STEAP1B: variants seen among roughly 807,000 people sequenced by gnomAD.
STEAP1B encodes the protein STEAP family member 1B.
STEAP1B carries 13 observed loss-of-function variants against 27.9 expected under a neutral mutation model. The ratio of observed to expected loss-of-function variants is 0.47; its 90% CI spans 0.30 to 0.74. The LOEUF (loss-of-function observed/expected upper bound fraction) is 0.74. Among genes scored for constraint, STEAP1B ranks in the 30% least tolerant of loss-of-function variants. The probability of loss-of-function intolerance (pLI) is 0.06; values close to 1 mark genes in which losing one functional copy is unlikely to be tolerated. For synonymous variants in STEAP1B, 86 were observed against 107.1 expected (o/e 0.80, Z 1.22); for missense variants, 250 against 298.7 (o/e 0.84, Z 1.20).
At chr7:22,440,182 C>A (rs1785311142) in intron 4 of STEAP1B, among the ~76,000 whole-genome samples, 1 of 152,012 alleles carries the variant, frequency 6.6e-6, no homozygotes. Context: ...TTGTTTCTAC[C>A]AGATCGAGGG....
intron 4 of STEAP1B, among the ~76,000 whole-genome samples, chr7:22,486,458 A>G (rs1243401570): frequency 6.6e-6 from 1 of 152,046 alleles, no homozygotes; most frequent in Non-Finnish European, 1.5e-5. Flanking sequence ...CCTCCTCTGA[A>G]CCAGCCTGGC....
intron 4 of STEAP1B, among the ~76,000 whole-genome samples, chr7:22,426,591 CTG>C (rs1181152604): frequency 1.3e-5 from 2 of 152,202 alleles, no homozygotes; most frequent in African/African-American, 4.8e-5. Context: ...GAGAACAAAA[CTG>C]TCACATGGGG....
intron 4 of STEAP1B, among the ~76,000 whole-genome samples, chr7:22,480,885 G>A (rs1197919299): frequency 6.6e-6 from 1 of 152,196 alleles, no homozygotes; most frequent in African/African-American, 2.4e-5. Flanking sequence ...GAAGCCTGGC[G>A]CAGGTCCAGC....
chr7:22,463,404 C>T (rs1785713848), intron 4 of STEAP1B, among the ~76,000 whole-genome samples: 1 of 152,092 alleles, frequency 6.6e-6, no homozygotes, highest in South Asian at 2.1e-4. Flanking sequence ...AGATTCAATG[C>T]CATCCCCATC....
chr7:22,422,357 G>A (rs1251388688), intron 4 of STEAP1B, among the ~76,000 whole-genome samples: 5 of 152,198 alleles, frequency 3.3e-5, no homozygotes, highest in Admixed American at 2.0e-4. Context: ...TATTGTAACC[G>A]CAAAGGAGAG....
intron 4 of STEAP1B, among the ~76,000 whole-genome samples, chr7:22,480,177 A>G (rs1174606008): frequency 1.3e-5 from 2 of 152,224 alleles, no homozygotes; most frequent in Admixed American, 1.3e-4. Context: ...AACTTATTTT[A>G]TACTTACAAA....
intron 4 of STEAP1B, among the ~76,000 whole-genome samples, chr7:22,468,385 T>C (rs1052285231): frequency 1.3e-5 from 2 of 152,138 alleles, no homozygotes; most frequent in African/African-American, 2.4e-5. Flanking sequence ...CCAAAAAATC[T>C]GTCAGTACCA....
In STEAP1B at chr7:22,460,936, G is replaced by A. The variant is rs373150120; in HGVS notation, c.762+31629C>T. 5.9e-5 allele frequency among the ~76,000 whole-genome samples: 9 copies of A among 152,144 alleles called. No homozygotes were observed. The East Asian group carries it at 7.7e-4, about 13-fold the overall frequency. On this transcript the variant is annotated intron_variant, in intron 4 of 4. Transcript: ENST00000678116. The stretch of plus-strand genomic sequence containing the variant: ...GACTTTAAAGGAGAAATACTTAAAG[G>A]AATCTTGTTGCTTATCACAGAGCGT...
intron 4 of STEAP1B, among the ~76,000 whole-genome samples, chr7:22,430,589 G>A (rs1275013132): frequency 6.6e-6 from 1 of 152,178 alleles, no homozygotes; most frequent in African/African-American, 2.4e-5. Context: ...AGCTGGCTTG[G>A]TTCTGACTGG....
At chr7:22,456,952 C>CCATATATATATA (rs1478025290) in intron 4 of STEAP1B, among the ~76,000 whole-genome samples, 3 of 73,264 alleles carry the variant, frequency 4.1e-5, no homozygotes, top group Middle Eastern at 0.01. Context: ...GGATAGGCAG[C>CCATATATATATA]TATATATATA....
intron 3 of STEAP1B, 52 bp downstream of exon 3, chr7:22,493,272 G>A (rs1786366055): frequency 6.6e-7 from 1 of 1,507,972 alleles, no homozygotes; most frequent in South Asian, 1.3e-5. Context: ...TGATTAATTT[G>A]TTAGGTGACT....
chr7:22,453,590 T>C (rs1245852029), intron 4 of STEAP1B, among the ~76,000 whole-genome samples: 3 of 152,240 alleles, frequency 2.0e-5, no homozygotes, highest in Non-Finnish European at 2.9e-5. Flanking sequence ...TAGGACATAA[T>C]ATAAAATACA....
chr7:22,440,997 A>G (rs1785325209), intron 4 of STEAP1B, among the ~76,000 whole-genome samples: 1 of 150,414 alleles, frequency 6.6e-6, no homozygotes, highest in African/African-American at 2.4e-5. Flanking sequence ...TTTAAATTGT[A>G]TATTTTAATA....
chr7:22,462,307 T>C (rs1359897542), intron 4 of STEAP1B, among the ~76,000 whole-genome samples: 1 of 149,464 alleles, frequency 6.7e-6, no homozygotes, highest in Admixed American at 6.7e-5. Flanking sequence ...TGTATACATG[T>C]GCCATGCTGG....
intron 4 of STEAP1B, among the ~76,000 whole-genome samples, chr7:22,463,897 C>A (rs1012954670): frequency 4.6e-5 from 7 of 151,432 alleles, no homozygotes; most frequent in African/African-American, 1.7e-4. Flanking sequence ...TAGGCATGGG[C>A]AAGGACTTCA....
intron 4 of STEAP1B, chr7:22,438,677 G>A: frequency 6.4e-7 from 1 of 1,551,858 alleles, no homozygotes. Flanking sequence ...CAGAAATTTG[G>A]TGTGCCTACC....
At chr7:22,429,234 C>T (rs1785147928) in intron 4 of STEAP1B, among the ~76,000 whole-genome samples, 1 of 152,104 alleles carries the variant, frequency 6.6e-6, no homozygotes, top group South Asian at 2.1e-4. Flanking sequence ...CAGGAGTATA[C>T]AAAGAGACAA....
intron 4 of STEAP1B, among the ~76,000 whole-genome samples, chr7:22,489,413 T>G (rs983616667): frequency 6.6e-6 from 1 of 152,204 alleles, no homozygotes; most frequent in African/African-American, 2.4e-5. Flanking sequence ...GGCACCATTA[T>G]GGGTTGAATT....
At chr7:22,452,249 C>T (rs1674062536) in intron 4 of STEAP1B, among the ~76,000 whole-genome samples, 1 of 152,160 alleles carries the variant, frequency 6.6e-6, no homozygotes, top group Admixed American at 6.5e-5. Context: ...AAACAGGCTG[C>T]CAGAGGGTGC....
Sources: allele counts gnomAD v4.1 joint callset (sites outside exome capture counted in the v4.1 genomes callset), GRCh38; gene constraint gnomAD v4.1.1; transcripts MANE v1.5; gene names NCBI Gene and HGNC (gene_info 2026-07-23, HGNC 2026-07-21).